The following CHRM2 variants were observed in gnomAD, a reference collection of about 807,000 sequenced individuals.
The protein encoded by CHRM2 is cholinergic receptor muscarinic 2.
In CHRM2, 8 loss-of-function variants were observed where a neutral mutation model predicts 25.0. That is an observed-to-expected ratio of 0.32 (90% CI 0.19 to 0.58). CHRM2 has a LOEUF of 0.58. Ranked by LOEUF, CHRM2 falls within the 20% of genes least tolerant of loss-of-function variation. CHRM2 has a pLI of 0.88. For synonymous variants in CHRM2, 202 were observed against 205.7 expected, an observed-to-expected ratio of 0.98 and a Z score of 0.15; for missense variants, 440 against 567.1, an observed-to-expected ratio of 0.78 and a Z score of 2.28.
At chr7:136,885,722 T>C (rs1796437103) in intron 2 of CHRM2, among the ~76,000 whole-genome samples, 2 of 152,144 alleles carry the variant, frequency 1.3e-5, no homozygotes, top group Admixed American at 1.3e-4. Flanking sequence ...AACAATGATA[T>C]ACAATACACA....
chr7:136,896,897 T>C (rs1796928174), intron 2 of CHRM2, among the ~76,000 whole-genome samples: 1 of 151,986 alleles, frequency 6.6e-6, no homozygotes, highest in Admixed American at 6.6e-5. Context: ...AACAGAGATA[T>C]GATTGATTTG....
chr7:136,887,651 G>A (rs372138272), intron 2 of CHRM2, among the ~76,000 whole-genome samples: 36 of 152,224 alleles, frequency 2.4e-4, no homozygotes, highest in African/African-American at 8.4e-4. Flanking sequence ...ATAATTCATT[G>A]TGAAACTCAA....
At chr7:136,870,479 T>C in intron 2 of CHRM2, 1 of 152,790 alleles carries the variant, frequency 6.5e-6, no homozygotes, top group Admixed American at 6.5e-5. Context: ...CGGCACACCC[T>C]TTGCCTCCGT....
chr7:137,002,139 TTTTG>T (rs1337111212), intron 3 of CHRM2, among the ~76,000 whole-genome samples: 1 of 152,112 alleles, frequency 6.6e-6, no homozygotes, highest in Non-Finnish European at 1.5e-5. Context: ...TTTTGTTTTG[TTTTG>T]TTTGTTTTGT....
chr7:136,901,956 A>T (rs1797235071), intron 2 of CHRM2: 2 of 152,128 alleles, frequency 1.3e-5, no homozygotes, highest in South Asian at 2.1e-4. Flanking sequence ...TCCATTACAC[A>T]GCCAGACAGG....
intron 2 of CHRM2, among the ~76,000 whole-genome samples, chr7:136,959,994 T>C (rs1800972010): frequency 6.6e-6 from 1 of 152,162 alleles, no homozygotes; most frequent in African/African-American, 2.4e-5. Flanking sequence ...TACAGCCTCA[T>C]ACAGTGCAAG....
chr7:136,933,146 G>A (rs1191371538), intron 2 of CHRM2, among the ~76,000 whole-genome samples: 3 of 152,048 alleles, frequency 2.0e-5, no homozygotes, highest in African/African-American at 7.2e-5. Flanking sequence ...TCGCTCAATG[G>A]ACAAAAATAT....
chr7:136,917,732 G>T (rs1428280015), intron 2 of CHRM2, among the ~76,000 whole-genome samples: 1 of 151,934 alleles, frequency 6.6e-6, no homozygotes, highest in African/African-American at 2.4e-5. Context: ...TATGATACAG[G>T]ATTTTTTAAA....
rs1290104978 is a variant in CHRM2 at position 136,930,927 on chromosome 7, A to AAAG, written c.-124-61260_-124-61259insAAG. Among the ~76,000 whole-genome samples the AAAG allele has an allele frequency of 7.6e-4, 106 of 138,640 alleles. 3 individuals carry two copies. Among genetic ancestry groups the AAAG allele is most frequent in the African/African-American group, 2.7e-3 (98 of 35,834 alleles). 91.0% of individuals were successfully genotyped at this position (138,640 alleles called of 152,430 possible). A position where few individuals can be genotyped will look rare whatever the true frequency, so the allele number is the denominator to read the frequency against. ...AAAAAAAAAAAAAAAAAAAAAAAAA[A>AAAG]GGATAGAAAGATCCTTACCACATAT... On this transcript the variant is annotated intron_variant, in intron 2 of 3. Coordinates refer to ENST00000680005, the MANE Select transcript of CHRM2 (RefSeq NM_001006630.2).
chr7:136,927,520 G>GA (rs200311718), intron 2 of CHRM2, among the ~76,000 whole-genome samples: 3,236 of 149,794 alleles, frequency 0.022, 45 homozygotes, highest in South Asian at 0.05. Context: ...TAATGCAACT[G>GA]AAAAAAAAAG....
intron 2 of CHRM2, among the ~76,000 whole-genome samples, chr7:136,873,282 C>T (rs1461513916): frequency 6.6e-6 from 1 of 152,104 alleles, no homozygotes; most frequent in Admixed American, 6.5e-5. Context: ...GCTCACCTGG[C>T]CTATGTGGTG....
intron 2 of CHRM2, chr7:136,902,632 C>T (rs1797290657): frequency 6.2e-6 from 1 of 160,968 alleles, no homozygotes; most frequent in African/African-American, 2.4e-5. Context: ...TTAGGACGAC[C>T]CTGAATGGAA....
intron 3 of CHRM2, among the ~76,000 whole-genome samples, chr7:136,998,837 CCT>C (rs1421563392): frequency 6.6e-6 from 1 of 151,856 alleles, no homozygotes; most frequent in Non-Finnish European, 1.5e-5. Flanking sequence ...AATAAGAACC[CCT>C]CTCAGATTAC....
At chr7:136,976,831 T>A (rs983612424) in intron 2 of CHRM2, among the ~76,000 whole-genome samples, 1 of 152,172 alleles carries the variant, frequency 6.6e-6, no homozygotes, top group Non-Finnish European at 1.5e-5. Context: ...TAGTCCTTAG[T>A]CAACTTGGTC....
chr7:136,963,148 G>C (rs1299403970), intron 2 of CHRM2, among the ~76,000 whole-genome samples: 1 of 152,124 alleles, frequency 6.6e-6, no homozygotes, highest in African/African-American at 2.4e-5. Context: ...CATTGTCCCA[G>C]AGTTCAAGAG....
chr7:137,016,900 C>T lies in CHRM2; in HGVS notation c.*634C>T, dbSNP rs1055078350. 1.8e-5 allele frequency: 3 copies of T among 167,090 alleles called. No individual in the cohort carries two copies. Among genetic ancestry groups the T allele is most frequent in the Non-Finnish European group, 2.9e-5 (2 of 68,340 alleles). The allele number at this position is 167,090 out of a possible 1,614,324, so 10.4% of individuals were successfully genotyped here. On this transcript the variant is annotated 3_prime_UTR_variant, in exon 4 of 4. Coordinates refer to ENST00000680005, the MANE Select transcript of CHRM2 (RefSeq NM_001006630.2). Reference sequence around the variant, plus strand: ...AAACAGAAACCCCAACTAGGTCACACCATTTTTCTTCTTGTTATGCCACTA... The same window carrying T: ...AAACAGAAACCCCAACTAGGTCACATCATTTTTCTTCTTGTTATGCCACTA...
chr7:136,890,029 T>C (rs1277362733), intron 2 of CHRM2, among the ~76,000 whole-genome samples: 1 of 152,186 alleles, frequency 6.6e-6, no homozygotes, highest in Non-Finnish European at 1.5e-5. Context: ...TCTATCCATC[T>C]CCAGCATGAA....
chr7:136,900,170 T>C (rs1175839611), intron 2 of CHRM2, among the ~76,000 whole-genome samples: 2 of 152,044 alleles, frequency 1.3e-5, no homozygotes, highest in Non-Finnish European at 2.9e-5. Context: ...GATACTATCA[T>C]CACCACCAAC....
intron 2 of CHRM2, among the ~76,000 whole-genome samples, chr7:136,904,481 TCTTTC>T (rs970370305): frequency 2.0e-5 from 3 of 151,898 alleles, no homozygotes; most frequent in Non-Finnish European, 2.9e-5. Flanking sequence ...TCCAAATTTA[TCTTTC>T]CTTTCTTTTT....
Sources: allele counts gnomAD v4.1 joint callset (sites outside exome capture counted in the v4.1 genomes callset), GRCh38; gene constraint gnomAD v4.1.1; transcripts MANE v1.5; gene names NCBI Gene and HGNC (gene_info 2026-07-23, HGNC 2026-07-21).